Variants in FBXW7 observed in about 807,000 individuals in gnomAD.
FBXW7 encodes F-box/WD repeat-containing protein 7.
Under a neutral mutation model 86.3 loss-of-function variants are expected in FBXW7, and 11 were observed. The observed-to-expected ratio is 0.13, with a 90% CI of 0.08 to 0.21. FBXW7 has a LOEUF of 0.21. Ranked by LOEUF, FBXW7 falls within the 10% of genes least tolerant of loss-of-function variation. FBXW7 has a pLI of 1.00. For synonymous variants in FBXW7, 313 were observed against 297.9 expected, an observed-to-expected ratio of 1.05 and a Z score of -0.52; for missense variants, 488 against 847.4, an observed-to-expected ratio of 0.58 and a Z score of 5.27.
chr4:152,522,169 T>G (rs1749083054), intron 2 of FBXW7, among the ~76,000 whole-genome samples: 1 of 152,176 alleles, frequency 6.6e-6, no homozygotes, highest in Non-Finnish European at 1.5e-5. Flanking sequence ...GTTTTTTAAG[T>G]GTACGTTTGA....
chr4:152,346,615 C>A (rs1295097742), intron 6 of FBXW7, among the ~76,000 whole-genome samples: 1 of 152,170 alleles, frequency 6.6e-6, no homozygotes, highest in African/African-American at 2.4e-5. Context: ...TCGCTACTAT[C>A]CAATTCCAGA....
chr4:152,410,150 T>C (rs1329516649), intron 4 of FBXW7, among the ~76,000 whole-genome samples: 1 of 152,196 alleles, frequency 6.6e-6, no homozygotes, highest in Admixed American at 6.6e-5. Flanking sequence ...TTAGTTTTGA[T>C]TGAACCTCTT....
chr4:152,413,063 T>C (rs1294527020), intron 2 of FBXW7, among the ~76,000 whole-genome samples: 1 of 152,066 alleles, frequency 6.6e-6, no homozygotes. Context: ...CACAAGAAAT[T>C]ATGCACCCGT....
intron 4 of FBXW7, among the ~76,000 whole-genome samples, chr4:152,408,037 G>C (rs1737580446): frequency 6.6e-6 from 1 of 151,946 alleles, no homozygotes; most frequent in Non-Finnish European, 1.5e-5. Context: ...TTTCTTATTT[G>C]AGGCAAATGG....
At chr4:152,483,429 C>T (rs1159814668) in intron 2 of FBXW7, among the ~76,000 whole-genome samples, 1 of 149,810 alleles carries the variant, frequency 6.7e-6, no homozygotes, top group Non-Finnish European at 1.5e-5. Flanking sequence ...TGAGGCTGGG[C>T]GTGGTGGCTA....
chr4:152,527,262 G>A (rs911756066), intron 2 of FBXW7, among the ~76,000 whole-genome samples: 1 of 152,204 alleles, frequency 6.6e-6, no homozygotes, highest in Non-Finnish European at 1.5e-5. Context: ...ATTACTGAAT[G>A]CATATTATGA....
chr4:152,439,624 G>C (rs201351492), intron 2 of FBXW7, among the ~76,000 whole-genome samples: 1 of 152,006 alleles, frequency 6.6e-6, no homozygotes. Context: ...CCAGCACTTC[G>C]GGAGGCTGAG....
At chr4:152,478,405 T>A (rs1259175428) in intron 2 of FBXW7, among the ~76,000 whole-genome samples, 1 of 152,136 alleles carries the variant, frequency 6.6e-6, no homozygotes, top group African/African-American at 2.4e-5. Flanking sequence ...AAAATTTCAT[T>A]TGTATTTATG....
intron 4 of FBXW7, among the ~76,000 whole-genome samples, chr4:152,373,708 T>C (rs1354004314): frequency 6.6e-6 from 1 of 152,028 alleles, no homozygotes; most frequent in Non-Finnish European, 1.5e-5. Context: ...GAGCTCTGAG[T>C]GCCTCCTCAT....
At chr4:152,433,162 G>C (rs1740065838) in intron 2 of FBXW7, among the ~76,000 whole-genome samples, 1 of 151,964 alleles carries the variant, frequency 6.6e-6, no homozygotes, top group South Asian at 2.1e-4. Context: ...TTCAGTTTTT[G>C]GTCATTCTGA....
chr4:152,491,643 T>A (rs1245157296), intron 2 of FBXW7, among the ~76,000 whole-genome samples: 1 of 152,184 alleles, frequency 6.6e-6, no homozygotes, highest in African/African-American at 2.4e-5. Context: ...ATTACATTAG[T>A]AAGCATTCTT....
intron 2 of FBXW7, among the ~76,000 whole-genome samples, chr4:152,449,857 A>G (rs906989656): frequency 1.3e-5 from 2 of 152,238 alleles, no homozygotes; most frequent in Non-Finnish European, 2.9e-5. Flanking sequence ...TAATACAAAT[A>G]CTTTATAGTC....
chr4:152,465,425 T>C (rs1161812940), intron 2 of FBXW7, among the ~76,000 whole-genome samples: 1 of 152,222 alleles, frequency 6.6e-6, no homozygotes, highest in Non-Finnish European at 1.5e-5. Flanking sequence ...AATTATGTCT[T>C]TTCCTTACTG....
At chr4:152,430,119 C>T (rs952588795) in intron 2 of FBXW7, among the ~76,000 whole-genome samples, 15 of 152,158 alleles carry the variant, frequency 9.9e-5, no homozygotes, top group African/African-American at 3.6e-4. Context: ...TTCAACAAAT[C>T]TGAAATCAGT....
Position 152,411,819 on chromosome 4 carries a change from T to G in FBXW7, c.-16A>C. 1 of 1,589,416 alleles carries G rather than the reference T, an allele frequency of 6.3e-7. No homozygotes were observed. The highest frequency in any genetic ancestry group is 1.1e-5 in the South Asian group (1 of 88,780). On this transcript the variant is annotated 5_prime_UTR_variant, in exon 4 of 14. Transcript: ENST00000281708. ...CCTGATTCATTTCCAAAAGCCAGCT[T>G]GCTACTTCTTGGACCTTGGCTAGAC...
intron 2 of FBXW7, among the ~76,000 whole-genome samples, chr4:152,487,170 A>G (rs946927281): frequency 2.0e-5 from 3 of 152,186 alleles, no homozygotes; most frequent in Middle Eastern, 3.2e-3. Flanking sequence ...AATGTAACCA[A>G]TAATTCAGGC....
At chr4:152,470,788 C>T (rs1200346638) in intron 2 of FBXW7, among the ~76,000 whole-genome samples, 2 of 152,080 alleles carry the variant, frequency 1.3e-5, no homozygotes. Flanking sequence ...CATATACATA[C>T]ATTTTTTAAT....
intron 2 of FBXW7, among the ~76,000 whole-genome samples, chr4:152,476,466 T>C (rs1744417193): frequency 6.6e-6 from 1 of 152,068 alleles, no homozygotes; most frequent in Admixed American, 6.5e-5. Flanking sequence ...CTGATAGTAA[T>C]CAAAATTAGA....
intron 4 of FBXW7, among the ~76,000 whole-genome samples, chr4:152,388,525 T>C (rs960652000): frequency 6.6e-6 from 1 of 152,180 alleles, no homozygotes; most frequent in Non-Finnish European, 1.5e-5. Flanking sequence ...CTGTTTTATA[T>C]TCCAGTTATT....
Sources: gnomAD v4.1 joint callset for allele counts (sites outside exome capture counted in the v4.1 genomes callset) on GRCh38, gnomAD v4.1.1 for gene constraint, MANE v1.5 for transcripts, NCBI Gene and HGNC (gene_info 2026-07-23, HGNC 2026-07-21) for gene names.